KMT2C: variants seen among roughly 807,000 people sequenced by gnomAD.
The protein encoded by KMT2C is lysine methyltransferase 2C, also known as histone-lysine N-methyltransferase 2C.
KMT2C carries 88 observed loss-of-function variants against 507.9 expected under a neutral mutation model. The ratio of observed to expected loss-of-function variants is 0.17; its 90% confidence interval spans 0.15 to 0.21. KMT2C has a LOEUF of 0.21. Ranked by LOEUF, KMT2C falls within the 10% of genes least tolerant of loss-of-function variation. The pLI is 1.00. For synonymous variants in KMT2C, 2,049 were observed against 2,080.8 expected (o/e 0.98, Z 0.42); for missense variants, 4,954 against 5,957.8 (o/e 0.83, Z 5.55).
intron 43 of KMT2C, among the ~76,000 whole-genome samples, chr7:152,161,186 C>T (rs1419265593): frequency 2.0e-5 from 3 of 152,062 alleles, no homozygotes; most frequent in Non-Finnish European, 4.4e-5. Context: ...GTAAAATTTA[C>T]AAAAATTACA....
chr7:152,239,408 CT>C (rs2095343137), intron 14 of KMT2C, among the ~76,000 whole-genome samples: 1 of 152,292 alleles, frequency 6.6e-6, no homozygotes, highest in South Asian at 2.1e-4. Flanking sequence ...TTTAATCACT[CT>C]TTCTTCAGTG....
intron 2 of KMT2C, among the ~76,000 whole-genome samples, chr7:152,344,083 A>C (rs1414767537): frequency 6.6e-6 from 1 of 152,152 alleles, no homozygotes; most frequent in Non-Finnish European, 1.5e-5. Flanking sequence ...ATGATTGCTT[A>C]TGTATAAATA....
In KMT2C at chr7:152,190,426, G is replaced by C. The variant is rs180832892; in HGVS notation, c.4661-2579C>G. 3.0e-3 allele frequency among the ~76,000 whole-genome samples: 455 copies of C among 152,216 alleles called. 3 individuals carry two copies. The highest frequency in any genetic ancestry group is 6.8e-3 in the Middle Eastern group (2 of 294). On this transcript the variant is annotated intron_variant, in intron 31 of 58. Transcript: ENST00000262189. ...TTATTTGTTAAGTACTTTATGCTAT[G>C]CTAAGCACTGTCTTAAAAGCTTTAC...
intron 2 of KMT2C, 121 bp from the exon 3 acceptor site, chr7:152,330,860 A>T (rs571826975): frequency 1.1e-6 from 1 of 924,016 alleles, no homozygotes; most frequent in Non-Finnish European, 1.6e-6. Flanking sequence ...ACAATATTTC[A>T]CTAACACAAG....
chr7:152,163,882 A>T, intron 42 of KMT2C, 56 bp from the exon 43 acceptor site: 2 of 1,519,500 alleles, frequency 1.3e-6, no homozygotes, highest in Non-Finnish European at 1.8e-6. Context: ...TACTGAAGTA[A>T]AACACTGGCT....
intron 9 of KMT2C, 127 bp from the exon 10 acceptor site, chr7:152,252,842 C>T: frequency 1.5e-6 from 1 of 670,178 alleles, no homozygotes; most frequent in Non-Finnish European, 2.4e-6. Context: ...TTTCATGACA[C>T]TAATTTAGGG....
At chr7:152,434,094 G>A (rs1232576808) in intron 1 of KMT2C, among the ~76,000 whole-genome samples, 4 of 152,304 alleles carry the variant, frequency 2.6e-5, no homozygotes, top group Non-Finnish European at 5.9e-5. Flanking sequence ...GCAAAAAAAA[G>A]TGGCTTACAT....
intron 6 of KMT2C, among the ~76,000 whole-genome samples, chr7:152,297,047 A>AGACAGAGAG (rs1563766837): frequency 7.2e-5 from 5 of 68,974 alleles, no homozygotes; most frequent in East Asian, 3.5e-4. Flanking sequence ...GAAAGAAAGA[A>AGACAGAGAG]AGAAAGACAG....
chr7:152,250,079 T>C (rs2095539841), intron 12 of KMT2C, 126 bp from the exon 13 acceptor site: 2 of 575,096 alleles, frequency 3.5e-6, no homozygotes, highest in Non-Finnish European at 3.1e-6. Context: ...GCATGAAACA[T>C]TGTACCACTT....
chr7:152,409,170 C>G (rs897793321), intron 1 of KMT2C, among the ~76,000 whole-genome samples: 16 of 151,842 alleles, frequency 1.1e-4, no homozygotes, highest in African/African-American at 3.9e-4. Flanking sequence ...TCACACCTGG[C>G]TAATTTTTGT....
chr7:152,243,491 T>G (rs1385263288), intron 14 of KMT2C, among the ~76,000 whole-genome samples: 1 of 152,150 alleles, frequency 6.6e-6, no homozygotes, highest in Non-Finnish European at 1.5e-5. Flanking sequence ...TCTTGAAATA[T>G]TTACTGTAGG....
rs1480038420 is a variant in KMT2C, at chr7:152,135,298, T to C, written c.*1534A>G. 9.1e-6 allele frequency: 2 copies of C among 219,252 alleles called. No individual in the cohort carries two copies. The highest frequency in any genetic ancestry group is 4.5e-5 in the African/African-American group (2 of 44,620). 13.6% of individuals were successfully genotyped at this position (219,252 alleles called of 1,614,324 possible). A position where few individuals can be genotyped will look rare whatever the true frequency, so the allele number is the denominator to read the frequency against. ...GTGCACACAAAACTTCATTTTATAC[T>C]TAGCCTGTGAAGTGTCAGTACCAGA... On this transcript the variant is annotated 3_prime_UTR_variant, in exon 59 of 59. Transcript: ENST00000262189.
chr7:152,138,707 G>T lies in KMT2C; in HGVS notation c.14643+89C>A. 1 of 826,720 alleles carries T rather than the reference G, an allele frequency of 1.2e-6. No individual in the cohort carries two copies. The allele number at this position is 826,720 out of a possible 1,614,324, so 51.2% of individuals were successfully genotyped here. On this transcript the variant is annotated intron_variant, in intron 58 of 58. Transcript: ENST00000262189. This position sits in a 1 kb window ranked among gnomAD's most constrained non-coding sequence, Gnocchi z 4.2. ...AGTTTTTATCACAACAAAGAATTGG[G>T]AAACAAGTGAGTAAGTGACCTGTGT...
intron 28 of KMT2C, chr7:152,195,502 T>C: frequency 2.0e-6 from 2 of 980,574 alleles, no homozygotes; most frequent in Non-Finnish European, 2.4e-6. Flanking sequence ...TCAGCCGTCA[T>C]CCATTGCTCA....
At chr7:152,187,511 T>C (rs754756290) in intron 32 of KMT2C, 35 bp from the exon 33 acceptor site, 2 of 1,556,596 alleles carry the variant, frequency 1.3e-6, no homozygotes, top group South Asian at 2.2e-5. Context: ...TTTATGAACA[T>C]AAAATAACTT....
chr7:152,357,829 G>GT (rs2129230816), intron 2 of KMT2C, among the ~76,000 whole-genome samples: 1 of 152,238 alleles, frequency 6.6e-6, no homozygotes, highest in South Asian at 2.1e-4. Context: ...CTGGAAAAAT[G>GT]TATTTTAAAA....
chr7:152,139,286 A>C, intron 56 of KMT2C, 27 bp from the exon 57 acceptor site: 1 of 1,606,786 alleles, frequency 6.2e-7, no homozygotes, highest in Non-Finnish European at 8.5e-7. Flanking sequence ...TCAGTAAGTC[A>C]TCAATGTCGA....
chr7:152,220,265 C>T (rs2094725178), intron 23 of KMT2C: 3 of 464,538 alleles, frequency 6.5e-6, no homozygotes, highest in Non-Finnish European at 1.2e-5. Context: ...TGTAGTTCCC[C>T]ACCTGTGATC....
rs1588692194 is a variant in KMT2C at position 152,262,889 on chromosome 7, A to C, written c.1299+127T>G. 3 of 640,660 alleles carry C rather than the reference A, an allele frequency of 4.7e-6. No homozygotes were observed. In the East Asian group the frequency reaches 8.3e-5, roughly 18 times the overall value. The allele number at this position is 640,660 out of a possible 1,614,324, so 39.7% of individuals were successfully genotyped here. A position where few individuals can be genotyped will look rare whatever the true frequency, so the allele number is the denominator to read the frequency against. On this transcript the variant is annotated intron_variant, in intron 9 of 58. Coordinates refer to ENST00000262189, the MANE Select transcript of KMT2C (RefSeq NM_170606.3). Reference sequence around the variant, plus strand: ...GTACAGTTTATTATATGTCAGTTATATGTCAATAAAGCTGTTTTTAAAAAG... The same window carrying C: ...GTACAGTTTATTATATGTCAGTTATCTGTCAATAAAGCTGTTTTTAAAAAG...
Sources: allele counts gnomAD v4.1 joint callset (sites outside exome capture counted in the v4.1 genomes callset), GRCh38; gene constraint gnomAD v4.1.1; non-coding constraint Gnocchi (gnomAD v3.1); transcripts MANE v1.5; gene names NCBI Gene and HGNC (gene_info 2026-07-23, HGNC 2026-07-21).